Variants in CWF19L2 observed in about 807,000 individuals in gnomAD.
The protein encoded by CWF19L2 is CWF19 like cell cycle control factor 2, also known as CWF19-like protein 2.
Under a neutral mutation model 111.7 loss-of-function variants are expected in CWF19L2, and 98 were observed. That is an observed-to-expected ratio of 0.88 (90% CI 0.75 to 1.04). CWF19L2 has a LOEUF of 1.04. Among genes scored for constraint, CWF19L2 ranks in the 50% least tolerant of loss-of-function variants. The pLI, the probability that CWF19L2 is intolerant of heterozygous loss-of-function variation, is 0.00. For synonymous variants in CWF19L2, 351 were observed against 342.9 expected (o/e 1.02, Z -0.26); for missense variants, 1,101 against 1,051.4 (o/e 1.05, Z -0.65).
At chr11:107,397,515 C>T (rs550169578) in intron 10 of CWF19L2, among the ~76,000 whole-genome samples, 7 of 152,096 alleles carry the variant, frequency 4.6e-5, no homozygotes, top group Admixed American at 3.3e-4. Context: ...CCCAGCAAGA[C>T]GCGCCCACGG....
At chr11:107,365,218 G>A (rs1307835245) in intron 12 of CWF19L2, among the ~76,000 whole-genome samples, 1 of 149,024 alleles carries the variant, frequency 6.7e-6, no homozygotes, top group Non-Finnish European at 1.5e-5. Flanking sequence ...GGACCAGATG[G>A]ATTCACAGCC....
At chr11:107,411,089 GCA>G (rs146846176) in intron 10 of CWF19L2, among the ~76,000 whole-genome samples, 28,993 of 148,586 alleles carry the variant, frequency 0.2, 2,857 homozygotes, top group Middle Eastern at 0.25. Flanking sequence ...GCGCGTGCGT[GCA>G]CACACACACA....
intron 12 of CWF19L2, among the ~76,000 whole-genome samples, chr11:107,372,015 G>C (rs1203950880): frequency 2.2e-5 from 3 of 136,510 alleles, no homozygotes; most frequent in African/African-American, 8.8e-5. Flanking sequence ...AAATTTTGTA[G>C]GCAATTTTGT....
At position 107,373,855 on chromosome 11, in the gene CWF19L2, G is replaced by T. The variant is rs989714627; in HGVS notation, c.1872+16219C>A. ...GGAGGACACTCGAACCAAAGGCAAA[G>T]AAGTTGAAAACTTTGAAAAAAATTT... On this transcript the variant is annotated intron_variant, in intron 12 of 17. Coordinates refer to ENST00000282251, the MANE Select transcript of CWF19L2 (RefSeq NM_152434.3). Among the ~76,000 whole-genome samples the T allele has an allele frequency of 2.7e-4, 36 of 133,256 alleles. 4 individuals are homozygous for T. The highest frequency in any genetic ancestry group is 1.0e-3 in the African/African-American group (34 of 33,248). 87.4% of individuals were successfully genotyped at this position (133,256 alleles called of 152,430 possible). A position where few individuals can be genotyped will look rare whatever the true frequency, so the allele number is the denominator to read the frequency against.
At chr11:107,385,846 A>G (rs1488722776) in intron 12 of CWF19L2, among the ~76,000 whole-genome samples, 1 of 152,202 alleles carries the variant, frequency 6.6e-6, no homozygotes, top group African/African-American at 2.4e-5. Context: ...TTCAGTAGCT[A>G]TTTCAGTTAT....
intron 10 of CWF19L2, among the ~76,000 whole-genome samples, chr11:107,396,916 C>G (rs1393335274): frequency 2.0e-5 from 3 of 152,118 alleles, no homozygotes; most frequent in Non-Finnish European, 4.4e-5. Context: ...AGTTGAAGGT[C>G]TGTTTGCAGG....
In CWF19L2 at chr11:107,454,560, TCA is replaced by T. The variant is rs931935903; in HGVS notation, c.227_228del (p.Val76GlufsTer27). ...TGCTTGTCTTTTTTCTTCTTTTTCTTCACAGAGTGTTCCTACAATCATTTTGA... is the reference window on the plus strand; with the variant it reads ...TGCTTGTCTTTTTTCTTCTTTTTCTTCAGAGTGTTCCTACAATCATTTTGA... The part of the protein sequence containing the change: ...RIEQFSQEHS[V>X]KKKKKKDKHS... On this transcript the variant is annotated frameshift_variant, in exon 3 of 18. Transcript: ENST00000282251. LOFTEE classifies it high-confidence loss of function. 4.9e-6 allele frequency: 7 copies of T among 1,439,952 alleles called. No individual in the cohort carries two copies. Among genetic ancestry groups the T allele is most frequent in the African/African-American group, 1.5e-5 (1 of 68,386 alleles). The allele number at this position is 1,439,952 out of a possible 1,614,324, so 89.2% of individuals were successfully genotyped here.
intron 10 of CWF19L2, chr11:107,403,586 G>T: frequency 1.3e-6 from 1 of 785,392 alleles, no homozygotes; most frequent in Non-Finnish European, 2.3e-6. Flanking sequence ...ACTCTCTGTC[G>T]TTTCTTCAAG....
In CWF19L2 at chr11:107,428,999, G is replaced by A. The variant is rs117094448; in HGVS notation, c.1233C>T (p.Asn411=). Residue 411 remains asparagine, a synonymous_variant, in exon 8 of 18, where the codon AAC becomes AAT. Coordinates refer to ENST00000282251, the MANE Select transcript of CWF19L2 (RefSeq NM_152434.3). ...LCSGFRKPTK[N]SEERLTSWSR... Reference sequence around the variant, plus strand: ...TCCATGATGTTAATCTTTCTTCACTGTTCTTGGTGGGTTTTCTAAAACCAC... The same window carrying A: ...TCCATGATGTTAATCTTTCTTCACTATTCTTGGTGGGTTTTCTAAAACCAC... The A allele has an allele frequency of 1.4e-3, 2,264 of 1,613,590 alleles. 3 individuals carry two copies. The highest frequency in any genetic ancestry group is 1.7e-3 in the Non-Finnish European group (2,018 of 1,179,738).
chr11:107,402,717 A>G (rs962907606), intron 10 of CWF19L2, among the ~76,000 whole-genome samples: 1 of 151,762 alleles, frequency 6.6e-6, no homozygotes, highest in Non-Finnish European at 1.5e-5. Flanking sequence ...TGATCCAGCA[A>G]TCCCACTACT....
intron 12 of CWF19L2, among the ~76,000 whole-genome samples, chr11:107,354,290 C>A (rs188038863): frequency 1.3e-5 from 2 of 151,990 alleles, no homozygotes; most frequent in Non-Finnish European, 2.9e-5. Flanking sequence ...AACTTGAAAG[C>A]CAACTAAATC....
chr11:107,349,817 A>G (rs1460124189), intron 13 of CWF19L2, among the ~76,000 whole-genome samples: 2 of 152,192 alleles, frequency 1.3e-5, no homozygotes, highest in Admixed American at 6.5e-5. Context: ...GTGGACATGG[A>G]TATCTACCTA....
intron 3 of CWF19L2, among the ~76,000 whole-genome samples, chr11:107,453,427 G>C (rs1419319953): frequency 6.6e-6 from 1 of 152,028 alleles, no homozygotes; most frequent in Non-Finnish European, 1.5e-5. Flanking sequence ...TGCTTGAGGA[G>C]AGGAGAGAGA....
intron 6 of CWF19L2, 97 bp from the exon 7 acceptor site, chr11:107,433,846 AT>A (rs71470848): frequency 0.18 from 41,128 of 233,720 alleles, 4,840 homozygotes; most frequent in Middle Eastern, 0.26. Flanking sequence ...AAAAATAAAT[AT>A]TTTTCTTTAA....
intron 9 of CWF19L2, among the ~76,000 whole-genome samples, chr11:107,417,049 T>C (rs1213990822): frequency 1.3e-5 from 2 of 152,218 alleles, no homozygotes; most frequent in African/African-American, 4.8e-5. Context: ...TAGAGCAGCA[T>C]ATGCAAGATA....
chr11:107,438,262 G>A (rs1239020555), intron 6 of CWF19L2, among the ~76,000 whole-genome samples: 2 of 152,118 alleles, frequency 1.3e-5, no homozygotes, highest in East Asian at 3.8e-4. Context: ...AAACTTTTGA[G>A]GTGTCAGCAC....
chr11:107,436,299 A>G (rs914509917), intron 6 of CWF19L2, among the ~76,000 whole-genome samples: 2 of 152,202 alleles, frequency 1.3e-5, no homozygotes, highest in African/African-American at 4.8e-5. Flanking sequence ...CACTTAACAT[A>G]CACCTAGATT....
intron 8 of CWF19L2, among the ~76,000 whole-genome samples, chr11:107,425,077 A>T (rs1322997448): frequency 3.3e-5 from 5 of 151,728 alleles, no homozygotes; most frequent in Non-Finnish European, 1.5e-5. Context: ...AAGCCCAAAC[A>T]TGTCTCAATT....
At position 107,441,793 on chromosome 11, in the gene CWF19L2, T is replaced by C. The variant is rs113277693; in HGVS notation, c.451-171A>G. 3.7e-4 allele frequency among the ~76,000 whole-genome samples: 56 copies of C among 152,356 alleles called. 2 individuals are homozygous for C. The highest frequency in any genetic ancestry group is 1.3e-3 in the African/African-American group (54 of 41,588). On this transcript the variant is annotated intron_variant, in intron 4 of 17. Coordinates refer to ENST00000282251, the MANE Select transcript of CWF19L2 (RefSeq NM_152434.3). Reference sequence around the variant, plus strand: ...TGAAGCAAGCTTCTAAATCTCTCTATACTTTAGTCTCTCCTCTATAAAATG... The same window carrying C: ...TGAAGCAAGCTTCTAAATCTCTCTACACTTTAGTCTCTCCTCTATAAAATG...
Sources: allele counts gnomAD v4.1 joint callset (sites outside exome capture counted in the v4.1 genomes callset), GRCh38; gene constraint gnomAD v4.1.1; transcripts MANE v1.5; gene names NCBI Gene and HGNC (gene_info 2026-07-23, HGNC 2026-07-21).